Variants in PRORP observed in about 807,000 individuals in gnomAD.
PRORP encodes mitochondrial ribonuclease P catalytic subunit.
PRORP carries 51 observed loss-of-function variants against 59.4 expected under a neutral mutation model. That is an observed-to-expected ratio of 0.86 (90% confidence interval 0.69 to 1.08). The LOEUF (loss-of-function observed/expected upper bound fraction) is 1.08, where lower values mean the gene tolerates loss of function less well. PRORP is among the 50% of genes least tolerant of loss of function. PRORP has a pLI of 0.00. For synonymous variants in PRORP, 231 were observed against 245.6 expected, an observed-to-expected ratio of 0.94 and a Z score of 0.55; for missense variants, 646 against 690.3, an observed-to-expected ratio of 0.94 and a Z score of 0.72.
At chr14:35,179,286 C>G (rs2048536760) in intron 4 of PRORP, among the ~76,000 whole-genome samples, 1 of 152,162 alleles carries the variant, frequency 6.6e-6, no homozygotes, top group South Asian at 2.1e-4. Context: ...GAATGGTGGC[C>G]TGCCTGCTAG....
At chr14:35,127,858 A>G (rs2047136389) in intron 4 of PRORP, among the ~76,000 whole-genome samples, 1 of 149,272 alleles carries the variant, frequency 6.7e-6, no homozygotes, top group Admixed American at 6.6e-5. Context: ...GCTGACTACA[A>G]TTGCCAACCT....
At chr14:35,163,647 A>G (rs949547679) in intron 4 of PRORP, among the ~76,000 whole-genome samples, 2 of 152,096 alleles carry the variant, frequency 1.3e-5, no homozygotes, top group African/African-American at 4.8e-5. Flanking sequence ...AGTTCCTTGT[A>G]GATTCTGGAT....
chr14:35,217,017 G>A (rs1238303965), intron 5 of PRORP, among the ~76,000 whole-genome samples: 1 of 152,080 alleles, frequency 6.6e-6, no homozygotes, highest in African/African-American at 2.4e-5. Context: ...TTATTGAATT[G>A]TAAGAGTTCT....
chr14:35,155,990 GTTA>G (rs781404197), intron 4 of PRORP, among the ~76,000 whole-genome samples: 3 of 152,134 alleles, frequency 2.0e-5, no homozygotes, highest in Non-Finnish European at 2.9e-5. Flanking sequence ...TTGCAAAGAG[GTTA>G]TTAACATTTT....
chr14:35,161,780 G>C (rs2048066265), intron 4 of PRORP, among the ~76,000 whole-genome samples: 1 of 152,040 alleles, frequency 6.6e-6, no homozygotes, highest in Admixed American at 6.6e-5. Context: ...CTTTACCTGA[G>C]TTAGATCTAT....
At chr14:35,201,370 T>C (rs1270950423) in intron 5 of PRORP, among the ~76,000 whole-genome samples, 1 of 152,196 alleles carries the variant, frequency 6.6e-6, no homozygotes, top group Non-Finnish European at 1.5e-5. Context: ...GCAGAGTATT[T>C]ACGTAAATTA....
intron 5 of PRORP, among the ~76,000 whole-genome samples, chr14:35,236,692 CTT>C (rs1322900061): frequency 3.3e-5 from 5 of 152,178 alleles, no homozygotes; most frequent in African/African-American, 1.2e-4. Context: ...CTTGTTCTCT[CTT>C]GTTTTTGAAC....
At chr14:35,179,972 G>C (rs1394620020) in intron 4 of PRORP, among the ~76,000 whole-genome samples, 1 of 152,224 alleles carries the variant, frequency 6.6e-6, no homozygotes, top group Non-Finnish European at 1.5e-5. Context: ...CTCAGCTGCA[G>C]GTCTGCTGGA....
At chr14:35,185,169 A>T (rs2048713387) in intron 5 of PRORP, among the ~76,000 whole-genome samples, 1 of 152,184 alleles carries the variant, frequency 6.6e-6, no homozygotes, top group Admixed American at 6.6e-5. Context: ...TTTTCTCTGC[A>T]ACCTCACCAG....
intron 5 of PRORP, among the ~76,000 whole-genome samples, chr14:35,246,817 C>T (rs563484111): frequency 1.3e-5 from 2 of 152,126 alleles, no homozygotes; most frequent in African/African-American, 4.8e-5. Flanking sequence ...TCTTTTTTCT[C>T]TGTCTTTTGT....
intron 4 of PRORP, among the ~76,000 whole-genome samples, chr14:35,143,690 T>C (rs549663002): frequency 1.4e-5 from 2 of 144,822 alleles, no homozygotes; most frequent in Non-Finnish European, 3.1e-5. Flanking sequence ...TCTTGTTGCC[T>C]AGGCTGGAGT....
intron 4 of PRORP, among the ~76,000 whole-genome samples, chr14:35,160,935 C>T (rs1225746435): frequency 6.6e-6 from 1 of 152,142 alleles, no homozygotes; most frequent in Non-Finnish European, 1.5e-5. Context: ...CCTTTGAAGG[C>T]GACAAGCTAA....
chr14:35,266,602 G>A (rs991304754), intron 5 of PRORP, 125 bp from the exon 6 acceptor site: 4 of 962,932 alleles, frequency 4.2e-6, no homozygotes, highest in Non-Finnish European at 4.7e-6. Context: ...AATTATTGTG[G>A]ATTGTTTTCT....
intron 5 of PRORP, among the ~76,000 whole-genome samples, chr14:35,234,896 C>G (rs1247684490): frequency 6.6e-6 from 1 of 151,820 alleles, no homozygotes; most frequent in Admixed American, 6.6e-5. Context: ...GTTTCCCAGG[C>G]TGGTCTCAAA....
chr14:35,167,217 G>A (rs2138976111), intron 4 of PRORP, among the ~76,000 whole-genome samples: 1 of 152,322 alleles, frequency 6.6e-6, no homozygotes, highest in African/African-American at 2.4e-5. Context: ...GAAGAAAACA[G>A]CTAACGGACC....
At chr14:35,226,570 T>C (rs2049939705) in intron 5 of PRORP, among the ~76,000 whole-genome samples, 1 of 152,160 alleles carries the variant, frequency 6.6e-6, no homozygotes, top group Non-Finnish European at 1.5e-5. Context: ...AAAGTAGTAC[T>C]TTGGAGATAG....
intron 4 of PRORP, among the ~76,000 whole-genome samples, chr14:35,153,376 G>A (rs553923558): frequency 3.4e-5 from 5 of 146,838 alleles, no homozygotes; most frequent in Admixed American, 6.8e-5. Flanking sequence ...AGAGGGAGAC[G>A]GTGGAAAGAG....
At chr14:35,193,634 ATT>A (rs34186766) in intron 5 of PRORP, among the ~76,000 whole-genome samples, 115 of 129,670 alleles carry the variant, frequency 8.9e-4, no homozygotes, top group Non-Finnish European at 1.0e-3. Context: ...TCCCGGGTGT[ATT>A]TTTTTTTTTT....
intron 4 of PRORP, among the ~76,000 whole-genome samples, chr14:35,141,387 G>A (rs2047477444): frequency 1.4e-5 from 2 of 143,026 alleles, no homozygotes; most frequent in African/African-American, 2.5e-5. Context: ...CATCCTCCTG[G>A]GTAGCTAGGA....
Sources: allele counts gnomAD v4.1 joint callset (sites outside exome capture counted in the v4.1 genomes callset), GRCh38; gene constraint gnomAD v4.1.1; transcripts MANE v1.5; gene names NCBI Gene and HGNC (gene_info 2026-07-23, HGNC 2026-07-21).